The following ENTPD4 variants were observed in gnomAD, a reference collection of about 807,000 sequenced individuals.
ENTPD4 encodes Golgi UDPase.
Under a neutral mutation model 79.1 loss-of-function variants are expected in ENTPD4, and 60 were observed. The observed-to-expected ratio is 0.76, with a 90% CI of 0.62 to 0.94. ENTPD4 has a LOEUF of 0.94. Ranked by LOEUF, ENTPD4 falls within the 40% of genes least tolerant of loss-of-function variation. The pLI, the probability that ENTPD4 is intolerant of heterozygous loss-of-function variation, is 0.00. For synonymous variants in ENTPD4, 276 were observed against 292.0 expected, an observed-to-expected ratio of 0.95 and a Z score of 0.56; for missense variants, 772 against 775.1, an observed-to-expected ratio of 1.00 and a Z score of 0.05.
chr8:23,445,579 G>A (rs1409673482), intron 4 of ENTPD4, among the ~76,000 whole-genome samples: 1 of 151,762 alleles, frequency 6.6e-6, no homozygotes, highest in African/African-American at 2.4e-5. Context: ...CTTTTCACCT[G>A]GTTAATTCCT....
In ENTPD4 at chr8:23,437,217, T is replaced by C. The variant is rs371867310; in HGVS notation, c.1091A>G (p.Tyr364Cys). The C allele has an allele frequency of 1.6e-5, 26 of 1,613,942 alleles. 1 individual carries two copies. In the South Asian group the frequency reaches 1.9e-4, roughly 12 times the overall value. Residue 364 changes from tyrosine to cysteine, a missense_variant, in exon 10 of 13, where the codon TAC (tyrosine) becomes TGC (cysteine). By Grantham distance (194) the Tyr-to-Cys change is radical. Transcript: ENST00000358689. ...GTCTAGGGGTAGGCAGGGGTCCAAG[T>C]ACGGCATATCAGGAGTCAGACCAGT... is the stretch of plus-strand genomic sequence containing the variant. ...KQTGLTPDMPYLDPCLPLDIK... is the reference protein window; with the variant it reads ...KQTGLTPDMPCLDPCLPLDIK...
chr8:23,441,564 A>G lies in ENTPD4; in HGVS notation c.882+5T>C. The G allele has an allele frequency of 6.2e-7, 1 of 1,613,556 alleles. No homozygotes were observed. The highest frequency in any genetic ancestry group is 1.7e-5 in the Admixed American group (1 of 59,914). Reference sequence around the variant, plus strand: ...AAACAGAAGGAAATTTGTACAGATAATGACCTGCTGTGAGGACGCAAAGCT... The same window carrying G: ...AAACAGAAGGAAATTTGTACAGATAGTGACCTGCTGTGAGGACGCAAAGCT... On this transcript the variant is annotated splice_donor_5th_base_variant and intron_variant, in intron 8 of 12. Transcript: ENST00000358689.
Position 23,432,310 on chromosome 8 carries a change from T to A in ENTPD4, c.*616A>T. ...CACTGACAGAATGCATCTTTCCACC[T>A]CCCTCCAGTATCAAAGTGCATGTGT... On this transcript the variant is annotated 3_prime_UTR_variant, in exon 13 of 13. Transcript: ENST00000358689. 1 of 985,374 alleles carries A rather than the reference T, an allele frequency of 1.0e-6. No individual in the cohort carries two copies. The highest frequency in any genetic ancestry group is 1.2e-6 in the Non-Finnish European group (1 of 829,946). 61.0% of individuals were successfully genotyped at this position (985,374 alleles called of 1,614,324 possible). A position where few individuals can be genotyped will look rare whatever the true frequency, so the allele number is the denominator to read the frequency against.
At chr8:23,452,376 C>T (rs549967053) in intron 1 of ENTPD4, among the ~76,000 whole-genome samples, 60 of 152,312 alleles carry the variant, frequency 3.9e-4, no homozygotes, top group South Asian at 3.1e-3. Flanking sequence ...AACTCCCCAT[C>T]CCCCAACTTT....
chr8:23,444,685 T>C lies in ENTPD4; in HGVS notation c.413-79A>G, dbSNP rs533828451. The C allele has an allele frequency of 1.9e-4, 253 of 1,298,978 alleles. 1 individual carries two copies. The African/African-American group carries it at 3.3e-3, about 17-fold the overall frequency. 80.5% of individuals were successfully genotyped at this position (1,298,978 alleles called of 1,614,324 possible). ...GATGTTTCTTCAGAGTGGCTAATTT[T>C]AGGGAAATCATGCTACACATTACAC... On this transcript the variant is annotated intron_variant, in intron 4 of 12. Transcript: ENST00000358689.
chr8:23,444,314 A>T, intron 5 of ENTPD4, 142 bp downstream of exon 5: 1 of 762,768 alleles, frequency 1.3e-6, no homozygotes, highest in Non-Finnish European at 2.1e-6. Context: ...TGGTACTGTT[A>T]CAGACTTGAA....
intron 5 of ENTPD4, 144 bp downstream of exon 5, chr8:23,444,312 T>C (rs1800725662): frequency 6.6e-6 from 5 of 754,904 alleles, no homozygotes; most frequent in Non-Finnish European, 8.6e-6. Context: ...TCTGGTACTG[T>C]TACAGACTTG....
intron 6 of ENTPD4, 81 bp downstream of exon 6, chr8:23,443,769 A>G (rs1275918747): frequency 2.5e-6 from 2 of 786,382 alleles, no homozygotes; most frequent in African/African-American, 1.7e-5. Flanking sequence ...ATAGGAGTAT[A>G]ACAAAGGGTA....
intron 3 of ENTPD4, 63 bp from the exon 4 acceptor site, chr8:23,447,948 G>GA: frequency 7.3e-7 from 1 of 1,367,296 alleles, no homozygotes; most frequent in Middle Eastern, 1.8e-4. Flanking sequence ...GTCTAACAGA[G>GA]AAAATGCAGC....
intron 10 of ENTPD4, among the ~76,000 whole-genome samples, chr8:23,435,797 A>T (rs1189819609): frequency 6.6e-6 from 1 of 152,238 alleles, no homozygotes; most frequent in East Asian, 1.9e-4. Flanking sequence ...GGAAAAGTGA[A>T]GCAGTATTTT....
chr8:23,437,121 C>A lies in ENTPD4; in HGVS notation c.1187G>T (p.Arg396Leu), dbSNP rs755215378. 1 of 1,614,166 alleles carries A rather than the reference C, an allele frequency of 6.2e-7. No homozygotes were observed. The highest frequency in any genetic ancestry group is 2.2e-5 in the East Asian group (1 of 44,878). Residue 396 changes from arginine (R) to leucine (L), a missense_variant, in exon 10 of 13, where the codon CGA (arginine) becomes CTA (leucine). Coordinates refer to ENST00000358689, the MANE Select transcript of ENTPD4 (RefSeq NM_004901.5). Reference protein sequence around the residue: ...LRGTGDFDLCRETIQPFMNKT... With the variant: ...LRGTGDFDLCLETIQPFMNKT... The stretch of plus-strand genomic sequence containing the variant: ...ATTCATGAAAGGCTGGATAGTCTCT[C>A]GACACAGGTCAAAGTCTCCAGTCCC...
Position 23,431,675 on chromosome 8 carries a change from G to C in ENTPD4, c.*1251C>G. 1.0e-6 allele frequency: 1 copy of C among 985,418 alleles called. No individual in the cohort carries two copies. Among genetic ancestry groups the C allele is most frequent in the Non-Finnish European group, 1.2e-6 (1 of 829,980 alleles). 61.0% of individuals were successfully genotyped at this position (985,418 alleles called of 1,614,324 possible). ...GTCTCCCAGTACGATTAAAAGCTGA[G>C]ATGACTTTTAATTAAGGGGGGTGGG... is the stretch of plus-strand genomic sequence containing the variant. On this transcript the variant is annotated 3_prime_UTR_variant, in exon 13 of 13. Transcript: ENST00000358689.
chr8:23,431,856 T>C lies in ENTPD4; in HGVS notation c.*1070A>G, dbSNP rs1208655444. 2.0e-6 allele frequency: 2 copies of C among 985,314 alleles called. No individual in the cohort carries two copies. Among genetic ancestry groups the C allele is most frequent in the Non-Finnish European group, 2.4e-6 (2 of 829,930 alleles). The allele number at this position is 985,314 out of a possible 1,614,324, so 61.0% of individuals were successfully genotyped here. On this transcript the variant is annotated 3_prime_UTR_variant, in exon 13 of 13. Transcript: ENST00000358689. ...TTCTTTCAAAACCACAGTGTTCTAA[T>C]GCCACTGAAATATGGAATAAGGAGC...
chr8:23,436,112 C>T (rs35664894), intron 10 of ENTPD4, among the ~76,000 whole-genome samples: 24,544 of 152,010 alleles, frequency 0.16, 2,153 homozygotes, highest in East Asian at 0.31. Context: ...GGAACGGGCT[C>T]GGCATAGGCA....
rs568282839 is a variant in ENTPD4 at position 23,445,846 on chromosome 8, G to A, written c.413-1240C>T. Among the ~76,000 whole-genome samples the A allele has an allele frequency of 8.5e-5, 13 of 152,326 alleles. No individual in the cohort carries two copies. In the South Asian group the frequency reaches 2.5e-3, roughly 29 times the overall value. Reference sequence around the variant, plus strand: ...GGTGCCCAGCATGTATCTGCTGAATGAGTACACAAATGAATATTTCTAGGT... The same window carrying A: ...GGTGCCCAGCATGTATCTGCTGAATAAGTACACAAATGAATATTTCTAGGT... On this transcript the variant is annotated intron_variant, in intron 4 of 12. Transcript: ENST00000358689.
intron 2 of ENTPD4, 40 bp from the exon 3 acceptor site, chr8:23,448,979 C>A: frequency 6.6e-7 from 1 of 1,514,398 alleles, no homozygotes; most frequent in Non-Finnish European, 9.1e-7. Flanking sequence ...CAATCTGCTC[C>A]AATGAGGCTT....
intron 8 of ENTPD4, 117 bp downstream of exon 8, chr8:23,441,452 C>A: frequency 6.6e-7 from 1 of 1,503,776 alleles, no homozygotes; most frequent in East Asian, 2.3e-5. Flanking sequence ...GGTTGAGAGG[C>A]GGCACCTCAG....
At chr8:23,434,159 G>T (rs1800512174) in intron 12 of ENTPD4, 158 bp downstream of exon 12, 3 of 879,424 alleles carry the variant, frequency 3.4e-6, no homozygotes, top group East Asian at 2.5e-5. Context: ...CTTGTGGGGA[G>T]GGGGCAAGAC....
chr8:23,444,542 A>C lies in ENTPD4; in HGVS notation c.477T>G (p.Phe159Leu), dbSNP rs1285473248. 6.2e-7 allele frequency: 1 copy of C among 1,614,216 alleles called. No homozygotes were observed. Among genetic ancestry groups the C allele is most frequent in the Non-Finnish European group, 8.5e-7 (1 of 1,180,010 alleles). Residue 159 changes from phenylalanine (F) to leucine (L), a missense_variant, in exon 5 of 13, where the codon TTT becomes TTG. Phe to Leu is a conservative substitution (Grantham distance 22). Coordinates refer to ENST00000358689, the MANE Select transcript of ENTPD4 (RefSeq NM_004901.5). ...VSDYISPLLNFAAEHVPRAKH... is the reference protein window; with the variant it reads ...VSDYISPLLNLAAEHVPRAKH... Reference sequence around the variant, plus strand: ...TTGCCCGTGGCACATGCTCTGCAGCAAAGTTCAAAAGTGGAGAAATGTAAT... The same window carrying C: ...TTGCCCGTGGCACATGCTCTGCAGCCAAGTTCAAAAGTGGAGAAATGTAAT...
Sources: allele counts gnomAD v4.1 joint callset (sites outside exome capture counted in the v4.1 genomes callset), GRCh38; gene constraint gnomAD v4.1.1; transcripts MANE v1.5; gene names NCBI Gene and HGNC (gene_info 2026-07-23, HGNC 2026-07-21).